Variants in PCGF3 observed in about 807,000 individuals in gnomAD.
The protein encoded by PCGF3 is polycomb group ring finger 3, also known as polycomb group RING finger protein 3.
In PCGF3, 7 loss-of-function variants were observed where a neutral mutation model predicts 33.1. The observed-to-expected ratio is 0.21, with a 90% CI of 0.12 to 0.40. PCGF3 has a LOEUF of 0.40. Ranked by LOEUF, PCGF3 falls within the 10% of genes least tolerant of loss-of-function variation. The pLI is 1.00. For synonymous variants in PCGF3, 153 were observed against 121.3 expected (o/e 1.26, Z -1.72); for missense variants, 211 against 313.3 (o/e 0.67, Z 2.46).
At chr4:743,609 G>C in intron 7 of PCGF3, 25 bp downstream of exon 7, 1 of 1,336,448 alleles carries the variant, frequency 7.5e-7, no homozygotes, top group East Asian at 2.3e-5. Context: ...TGCCCATCCA[G>C]AAGCCCCGGG....
intron 8 of PCGF3, among the ~76,000 whole-genome samples, chr4:748,980 C>T (rs1744393304): frequency 6.6e-6 from 1 of 152,086 alleles, no homozygotes; most frequent in Non-Finnish European, 1.5e-5. Context: ...GTGTGGTTTT[C>T]CATGGATCGA....
chr4:750,971 C>CCTTTG (rs1394230842), intron 8 of PCGF3, among the ~76,000 whole-genome samples: 5 of 152,124 alleles, frequency 3.3e-5, no homozygotes, highest in Admixed American at 2.0e-4. Flanking sequence ...GTTACGGAGG[C>CCTTTG]CTTTGCTTTG....
At chr4:719,405 C>T in intron 1 of PCGF3, among the ~76,000 whole-genome samples, 1 of 152,364 alleles carries the variant, frequency 6.6e-6, no homozygotes, top group African/African-American at 2.4e-5. Flanking sequence ...TTGATGAGAA[C>T]CCTCGGTGCC....
chr4:763,502 C>CAGGGAAACGCA (rs754371514), intron 9 of PCGF3, among the ~76,000 whole-genome samples: 27 of 152,334 alleles, frequency 1.8e-4, no homozygotes, highest in Admixed American at 5.2e-4. Context: ...TCTACATGAT[C>CAGGGAAACGCA]AGGGAAACGC....
chr4:765,194 G>A, intron 10 of PCGF3, 130 bp downstream of exon 10: 1 of 643,222 alleles, frequency 1.6e-6, no homozygotes, highest in Non-Finnish European at 2.8e-6. Flanking sequence ...AGCACTTTGG[G>A]AGGACGAGGC....
intron 1 of PCGF3, among the ~76,000 whole-genome samples, chr4:727,021 G>A (rs1035504293): frequency 2.0e-5 from 3 of 152,128 alleles, no homozygotes; most frequent in Non-Finnish European, 4.4e-5. Flanking sequence ...GCGCTCCTGC[G>A]TCTGCCCCTC....
At chr4:725,845 C>A (rs951849528) in intron 1 of PCGF3, among the ~76,000 whole-genome samples, 1 of 152,158 alleles carries the variant, frequency 6.6e-6, no homozygotes, top group African/African-American at 2.4e-5. Context: ...AGCAGGTGAC[C>A]ACAGATGATG....
chr4:734,720 G>T, intron 4 of PCGF3: 1 of 1,349,694 alleles, frequency 7.4e-7, no homozygotes, highest in Non-Finnish European at 9.5e-7. Flanking sequence ...CTTTGAGGAA[G>T]CCCATTGACG....
intron 5 of PCGF3, among the ~76,000 whole-genome samples, chr4:735,557 A>G (rs1038897693): frequency 3.3e-5 from 5 of 152,244 alleles, no homozygotes; most frequent in Non-Finnish European, 7.3e-5. Flanking sequence ...AGAGAAAGAA[A>G]AAATACTTAG....
At chr4:765,713 C>T (rs1444130894) in intron 10 of PCGF3, among the ~76,000 whole-genome samples, 4 of 152,132 alleles carry the variant, frequency 2.6e-5, no homozygotes, top group African/African-American at 9.7e-5. Flanking sequence ...TGGCCTGGGG[C>T]TGGGCCAGAG....
chr4:765,945 T>C (rs6816483), intron 10 of PCGF3, 87 bp from the exon 11 acceptor site: 836,686 of 1,229,256 alleles, frequency 0.68, 286,969 homozygotes, highest in Middle Eastern at 0.82. Context: ...TCACGGGACG[T>C]GATTCCTCAG....
intron 9 of PCGF3, among the ~76,000 whole-genome samples, chr4:763,853 A>G (rs1480715233): frequency 6.6e-6 from 1 of 152,200 alleles, no homozygotes; most frequent in African/African-American, 2.4e-5. Flanking sequence ...GTGCATCCAT[A>G]CTGGACTATT....
chr4:737,361 G>A (rs1160342874), intron 5 of PCGF3, 105 bp from the exon 6 acceptor site: 6 of 781,640 alleles, frequency 7.7e-6, no homozygotes, highest in Non-Finnish European at 1.3e-5. Context: ...TTCCAACAAA[G>A]CTCCAGACTG....
chr4:743,780 G>A (rs1357947999), intron 7 of PCGF3, 196 bp downstream of exon 7: 1 of 512,402 alleles, frequency 2.0e-6, no homozygotes, highest in African/African-American at 1.9e-5. Context: ...GGGCAGAGGG[G>A]AAAAGCCAGC....
intron 8 of PCGF3, chr4:757,822 C>T (rs1054018590): frequency 6.6e-6 from 1 of 152,142 alleles, no homozygotes; most frequent in Non-Finnish European, 1.5e-5. Context: ...GGTATAAGCT[C>T]TACTTCTGTT....
intron 3 of PCGF3, among the ~76,000 whole-genome samples, chr4:731,648 G>T (rs1269784778): frequency 2.5e-5 from 2 of 81,388 alleles, no homozygotes; most frequent in African/African-American, 8.0e-5. Context: ...GTAGGGCGGG[G>T]CTCCCCCGCC....
In PCGF3 at chr4:747,875, C is replaced by A. The variant is rs903558831; in HGVS notation, c.462+3187C>A. 2.3e-5 allele frequency among the ~76,000 whole-genome samples: 2 copies of A among 86,560 alleles called. 1 individual carries two copies. The highest frequency in any genetic ancestry group is 7.1e-4 in the South Asian group (2 of 2,832). The allele number at this position is 86,560 out of a possible 152,430, so 56.8% of individuals were successfully genotyped here. ...CTGTTTTCTTCCTCCCGACTTCTTC[C>A]TTTTTCTTTTTTTTTTTAATTACCA... On this transcript the variant is annotated intron_variant, in intron 8 of 10. Coordinates refer to ENST00000362003, the Ensembl canonical transcript of PCGF3.
chr4:732,844 C>T (rs1434886202), intron 3 of PCGF3, among the ~76,000 whole-genome samples: 1 of 152,252 alleles, frequency 6.6e-6, no homozygotes, highest in South Asian at 2.1e-4. Context: ...CACCAGCCTC[C>T]GCACGCGGAG....
At chr4:762,436 T>C (rs1335567341) in intron 9 of PCGF3, 1 of 152,182 alleles carries the variant, frequency 6.6e-6, no homozygotes, top group Non-Finnish European at 1.5e-5. Flanking sequence ...CCCAGATTCA[T>C]GTTGGAAATT....
Sources: allele counts gnomAD v4.1 joint callset (sites outside exome capture counted in the v4.1 genomes callset), GRCh38; gene constraint gnomAD v4.1.1; transcripts MANE v1.5; gene names NCBI Gene and HGNC (gene_info 2026-07-23, HGNC 2026-07-21).